The following VWA8 variants were observed in gnomAD, a reference collection of about 807,000 sequenced individuals.
VWA8 encodes von Willebrand factor A domain-containing protein 8.
In VWA8, 221 loss-of-function variants were observed where a neutral mutation model predicts 241.5. The observed-to-expected ratio is 0.91, with a 90% CI of 0.82 to 1.02. The LOEUF (loss-of-function observed/expected upper bound fraction) is 1.02. Ranked by LOEUF, VWA8 falls within the 50% of genes least tolerant of loss-of-function variation. VWA8 has a pLI of 0.00. For missense variants in VWA8, 2,322 were observed against 2,328.7 expected (o/e 1.00, Z 0.06); for synonymous variants, 852 against 827.1 (o/e 1.03, Z -0.52).
chr13:41,762,018 A>G (rs549062550), intron 20 of VWA8, among the ~76,000 whole-genome samples: 2 of 152,242 alleles, frequency 1.3e-5, no homozygotes, highest in South Asian at 2.1e-4. Flanking sequence ...TGATTCTTAT[A>G]TGGGTTGAGC....
At chr13:41,724,738 G>A (rs11841666) in intron 24 of VWA8, among the ~76,000 whole-genome samples, 5,076 of 152,220 alleles carry the variant, frequency 0.033, 275 homozygotes, top group African/African-American at 0.11. Flanking sequence ...TGAGACTGGT[G>A]GGAAAATGAA....
At chr13:41,702,359 C>G (rs973174396) in intron 27 of VWA8, among the ~76,000 whole-genome samples, 1 of 152,098 alleles carries the variant, frequency 6.6e-6, no homozygotes, top group Non-Finnish European at 1.5e-5. Context: ...AAAAAGGGTT[C>G]TGGAAATGAT....
chr13:41,925,958 G>C (rs988870448), intron 2 of VWA8: 3 of 381,594 alleles, frequency 7.9e-6, no homozygotes, highest in Non-Finnish European at 1.5e-5. Context: ...GGGGTCACCT[G>C]AATGATGTCA....
chr13:41,587,780 C>T, intron 41 of VWA8, 110 bp from the exon 42 acceptor site: 1 of 1,334,556 alleles, frequency 7.5e-7, no homozygotes, highest in Non-Finnish European at 1.0e-6. Flanking sequence ...GATGGGCAGA[C>T]CAGCCATAGG....
At chr13:41,638,128 C>A (rs1433243980) in intron 37 of VWA8, among the ~76,000 whole-genome samples, 1 of 152,180 alleles carries the variant, frequency 6.6e-6, no homozygotes, top group Non-Finnish European at 1.5e-5. Context: ...TCAGTTTCTG[C>A]ATCTACAGAA....
chr13:41,881,591 AC>A (rs1332618633), intron 9 of VWA8, among the ~76,000 whole-genome samples: 2 of 149,214 alleles, frequency 1.3e-5, no homozygotes, highest in Non-Finnish European at 3.0e-5. Flanking sequence ...CACCTCCCAG[AC>A]GGGGTGGTGG....
chr13:41,658,228 G>A lies in VWA8; in HGVS notation c.4611+12718C>T, dbSNP rs181913261. 4.8e-3 allele frequency among the ~76,000 whole-genome samples: 730 copies of A among 152,310 alleles called. 7 individuals carry two copies. Among genetic ancestry groups the A allele is most frequent in the Non-Finnish European group, 4.1e-3 (277 of 68,020 alleles). ...AGTTCCATCTACTTGGAAGGCTGAC[G>A]TGAGAGGATAGATGGCGCTCAGGAG... On this transcript the variant is annotated intron_variant, in intron 37 of 44. Coordinates refer to ENST00000379310, the MANE Select transcript of VWA8 (RefSeq NM_015058.2).
Position 41,947,931 on chromosome 13 carries a change from C to CAAAAAA in VWA8, c.241+1999_241+2004dup, listed in dbSNP as rs1218456579. Among the ~76,000 whole-genome samples, 11 of 20,572 alleles carry CAAAAAA rather than the reference C, an allele frequency of 5.3e-4. 1 individual carries two copies. The highest frequency in any genetic ancestry group is 8.0e-3 in the East Asian group (2 of 250). The allele number at this position is 20,572 out of a possible 152,430, so 13.5% of individuals were successfully genotyped here. A position where few individuals can be genotyped will look rare whatever the true frequency, so the allele number is the denominator to read the frequency against. ...TGGGCCACAAAGTGAGACCCTGTCT[C>CAAAAAA]AAAAAAAAAAAAAAAAAAAAAACAA... On this transcript the variant is annotated intron_variant, in intron 2 of 44. Coordinates refer to ENST00000379310, the MANE Select transcript of VWA8 (RefSeq NM_015058.2).
rs78641444 is a variant in VWA8, at chr13:41,655,985, G to A, written c.4611+14961C>T. Among the ~76,000 whole-genome samples the A allele has an allele frequency of 1.6e-3, 241 of 152,178 alleles. 2 individuals are homozygous for A. The highest frequency in any genetic ancestry group is 5.5e-3 in the African/African-American group (227 of 41,510). On this transcript the variant is annotated intron_variant, in intron 37 of 44. Transcript: ENST00000379310. ...GATGTACATCTGATTTTTAAACTTC[G>A]AAATAATTATGGGCTACAAAAGAAG...
chr13:41,719,305 C>A, intron 26 of VWA8: 1 of 1,177,564 alleles, frequency 8.5e-7, no homozygotes, highest in South Asian at 1.9e-5. Flanking sequence ...AATAGTAATA[C>A]GCATAGTAAT....
chr13:41,636,007 T>A (rs768889047), intron 37 of VWA8, among the ~76,000 whole-genome samples: 6 of 152,144 alleles, frequency 3.9e-5, no homozygotes, highest in Admixed American at 2.0e-4. Flanking sequence ...AGGTTTATGA[T>A]CATAAAATAC....
intron 3 of VWA8, among the ~76,000 whole-genome samples, chr13:41,909,057 T>A (rs1008981654): frequency 4.8e-4 from 71 of 146,800 alleles, no homozygotes; most frequent in East Asian, 2.2e-3. Flanking sequence ...GAAAAAAATT[T>A]TTTTTTTTTT....
intron 12 of VWA8, among the ~76,000 whole-genome samples, chr13:41,844,414 C>G (rs930597182): frequency 6.6e-6 from 1 of 152,122 alleles, no homozygotes; most frequent in Admixed American, 6.6e-5. Flanking sequence ...TGGAAGCATT[C>G]CCCTTAACAA....
intron 14 of VWA8, among the ~76,000 whole-genome samples, chr13:41,829,183 A>G (rs1286627027): frequency 6.6e-6 from 1 of 152,238 alleles, no homozygotes; most frequent in East Asian, 1.9e-4. Context: ...AAGAAAAACC[A>G]CAATGAGATA....
At chr13:41,701,601 C>T in intron 27 of VWA8, 71 bp from the exon 28 acceptor site, 3 of 1,386,644 alleles carry the variant, frequency 2.2e-6, no homozygotes, top group Admixed American at 5.5e-5. Context: ...TAAAGTTCTT[C>T]CAAAATATAA....
chr13:41,589,559 G>C (rs960624386), intron 41 of VWA8, among the ~76,000 whole-genome samples: 3 of 152,118 alleles, frequency 2.0e-5, no homozygotes, highest in Admixed American at 6.5e-5. Context: ...TGAAGAAGCA[G>C]CATCAAGGTC....
intron 26 of VWA8, among the ~76,000 whole-genome samples, chr13:41,713,988 A>G (rs564791027): frequency 1.2e-4 from 18 of 152,206 alleles, no homozygotes; most frequent in South Asian, 8.3e-4. Context: ...GAAAATAAAA[A>G]TAATTAGAAA....
chr13:41,749,222 G>C (rs1407970062), intron 21 of VWA8, among the ~76,000 whole-genome samples: 2 of 152,248 alleles, frequency 1.3e-5, no homozygotes, highest in East Asian at 3.9e-4. Context: ...CTCAAAAGAA[G>C]ACATTTATGC....
intron 17 of VWA8, among the ~76,000 whole-genome samples, chr13:41,795,084 GA>G (rs1205141667): frequency 2.0e-5 from 3 of 151,846 alleles, no homozygotes; most frequent in South Asian, 4.2e-4. Flanking sequence ...GAATCCACAA[GA>G]AACTTAAACA....
Sources: allele counts gnomAD v4.1 joint callset (sites outside exome capture counted in the v4.1 genomes callset), GRCh38; gene constraint gnomAD v4.1.1; transcripts MANE v1.5; gene names NCBI Gene and HGNC (gene_info 2026-07-23, HGNC 2026-07-21).